The following RUNDC3B variants were observed in gnomAD, a reference collection of about 807,000 sequenced individuals.
RUNDC3B encodes the protein RUN domain containing 3B, also known as RUN domain-containing protein 3B.
Under a neutral mutation model 58.4 loss-of-function variants are expected in RUNDC3B, and 33 were observed. The observed-to-expected ratio is 0.56, with a 90% confidence interval of 0.43 to 0.75. The LOEUF (loss-of-function observed/expected upper bound fraction) is 0.75. Ranked by LOEUF, RUNDC3B falls within the 30% of genes least tolerant of loss-of-function variation. The probability of loss-of-function intolerance (pLI) is 0.00; values close to 1 mark genes in which losing one functional copy is unlikely to be tolerated. For synonymous variants in RUNDC3B, 193 were observed against 195.2 expected (o/e 0.99, Z 0.10); for missense variants, 501 against 535.7 (o/e 0.94, Z 0.64).
chr7:87,807,940 A>T (rs17149924), intron 9 of RUNDC3B, among the ~76,000 whole-genome samples: 7,368 of 152,202 alleles, frequency 0.048, 264 homozygotes, highest in East Asian at 0.092. Flanking sequence ...ACCGTAGAAG[A>T]TATAATCACT....
At chr7:87,752,842 AT>A (rs1394832592) in intron 6 of RUNDC3B, among the ~76,000 whole-genome samples, 3 of 151,822 alleles carry the variant, frequency 2.0e-5, no homozygotes, top group South Asian at 2.1e-4. Flanking sequence ...GGATTCATTA[AT>A]TTTTTGAAGA....
intron 6 of RUNDC3B, among the ~76,000 whole-genome samples, chr7:87,744,962 G>A (rs1457066581): frequency 6.6e-6 from 1 of 152,080 alleles, no homozygotes; most frequent in African/African-American, 2.4e-5. Flanking sequence ...TGTCATAGAT[G>A]GCTTTTATTA....
At chr7:87,644,781 G>A (rs1186172688) in intron 1 of RUNDC3B, among the ~76,000 whole-genome samples, 2 of 151,082 alleles carry the variant, frequency 1.3e-5, no homozygotes, top group Admixed American at 6.6e-5. Flanking sequence ...ATATATTAAT[G>A]CAGAACATTA....
At chr7:87,674,635 G>T (rs747350499) in intron 2 of RUNDC3B, among the ~76,000 whole-genome samples, 1 of 152,066 alleles carries the variant, frequency 6.6e-6, no homozygotes, top group African/African-American at 2.4e-5. Context: ...GGGTGGGCTA[G>T]CATGTATTGG....
At chr7:87,798,315 T>C (rs1835921515) in intron 8 of RUNDC3B, among the ~76,000 whole-genome samples, 1 of 152,226 alleles carries the variant, frequency 6.6e-6, no homozygotes, top group South Asian at 2.1e-4. Context: ...ATGATTAGGT[T>C]TTGAATTGTC....
intron 7 of RUNDC3B, among the ~76,000 whole-genome samples, chr7:87,776,643 T>G (rs1370668247): frequency 1.3e-5 from 2 of 152,086 alleles, no homozygotes; most frequent in Non-Finnish European, 2.9e-5. Context: ...CTTTAATTAC[T>G]AATGTTTATG....
intron 10 of RUNDC3B, among the ~76,000 whole-genome samples, chr7:87,823,137 T>A (rs911896422): frequency 1.3e-5 from 2 of 152,142 alleles, no homozygotes; most frequent in Non-Finnish European, 2.9e-5. Flanking sequence ...TTTGTTTAAC[T>A]AAAGGTAAAG....
intron 4 of RUNDC3B, among the ~76,000 whole-genome samples, chr7:87,719,213 T>G (rs1457347498): frequency 6.6e-6 from 1 of 151,762 alleles, no homozygotes; most frequent in Non-Finnish European, 1.5e-5. Context: ...TGAAAAAAAT[T>G]TAAAAGGCCT....
intron 6 of RUNDC3B, among the ~76,000 whole-genome samples, chr7:87,756,205 ACTT>A (rs1489192640): frequency 6.6e-6 from 1 of 151,878 alleles, no homozygotes; most frequent in East Asian, 1.9e-4. Flanking sequence ...ATATCCTTTT[ACTT>A]CTTTCTTGGT....
At chr7:87,638,848 A>G (rs1255435626) in intron 1 of RUNDC3B, among the ~76,000 whole-genome samples, 2 of 152,012 alleles carry the variant, frequency 1.3e-5, no homozygotes, top group Non-Finnish European at 2.9e-5. Flanking sequence ...TCGACTCCTC[A>G]GTTTATTTAG....
rs755363799 is a variant in RUNDC3B, at chr7:87,628,895, G to C, written c.72G>C (p.Leu24=). Residue 24 remains leucine, a synonymous_variant, in exon 1 of 11, where the codon CTG becomes CTC. Coordinates refer to ENST00000394654, the MANE Select transcript of RUNDC3B (RefSeq NM_001134405.2). ...GGGGGGGKKS[L]SARNAAVERR... is the part of the protein sequence containing the mutation. ...GCGGCGGAGGCGGCAAGAAAAGCCT[G>C]AGCGCCCGCAATGCTGCGGTGGAGA... The C allele has an allele frequency of 6.9e-6, 9 of 1,304,124 alleles. No homozygotes were observed. In the South Asian group the frequency reaches 2.4e-4, roughly 34 times the overall value. The allele number at this position is 1,304,124 out of a possible 1,614,324, so 80.8% of individuals were successfully genotyped here. A position where few individuals can be genotyped will look rare whatever the true frequency, so the allele number is the denominator to read the frequency against.
chr7:87,662,867 T>C (rs928833986), intron 2 of RUNDC3B, among the ~76,000 whole-genome samples: 1 of 152,086 alleles, frequency 6.6e-6, no homozygotes, highest in Non-Finnish European at 1.5e-5. Flanking sequence ...AACAATAGTC[T>C]TCCAATTCAC....
intron 9 of RUNDC3B, among the ~76,000 whole-genome samples, chr7:87,811,676 A>G (rs1584262735): frequency 6.6e-6 from 1 of 152,144 alleles, no homozygotes; most frequent in East Asian, 1.9e-4. Context: ...CTTTCACTTC[A>G]TATGTATTCA....
chr7:87,796,490 G>A (rs1835827302), intron 8 of RUNDC3B, among the ~76,000 whole-genome samples: 1 of 152,090 alleles, frequency 6.6e-6, no homozygotes, highest in African/African-American at 2.4e-5. Context: ...AAGGATAAAA[G>A]TTTAAGGGGA....
intron 8 of RUNDC3B, among the ~76,000 whole-genome samples, chr7:87,782,759 G>A (rs766539670): frequency 2.0e-5 from 3 of 152,118 alleles, no homozygotes; most frequent in African/African-American, 7.2e-5. Flanking sequence ...TGGTGCCAAT[G>A]TGATTGTGTG....
At chr7:87,755,919 G>A (rs1012649013) in intron 6 of RUNDC3B, among the ~76,000 whole-genome samples, 2 of 152,136 alleles carry the variant, frequency 1.3e-5, no homozygotes, top group Non-Finnish European at 2.9e-5. Flanking sequence ...TAGGAAGATA[G>A]GGTATGGAGA....
In RUNDC3B at chr7:87,823,827, T is replaced by C. The variant is rs200292805; in HGVS notation, c.1226-6058T>C. 5.3e-3 allele frequency among the ~76,000 whole-genome samples: 797 copies of C among 149,588 alleles called. 37 individuals are homozygous for C. The East Asian group carries it at 0.12, about 23-fold the overall frequency. On this transcript the variant is annotated intron_variant, in intron 10 of 10. Transcript: ENST00000394654. The stretch of plus-strand genomic sequence containing the variant: ...ACACACACACACACACACACACATA[T>C]ATATATACACACTCACCTACATACA...
At chr7:87,664,208 C>A (rs1825002426) in intron 2 of RUNDC3B, among the ~76,000 whole-genome samples, 1 of 152,044 alleles carries the variant, frequency 6.6e-6, no homozygotes, top group South Asian at 2.1e-4. Context: ...CTTCTGTAGT[C>A]CAAGCTACCC....
At chr7:87,775,519 A>G (rs1241478583) in intron 7 of RUNDC3B, among the ~76,000 whole-genome samples, 2 of 152,212 alleles carry the variant, frequency 1.3e-5, no homozygotes. Context: ...TAAATTTAGT[A>G]TAGCCTAGGC....
Sources: allele counts gnomAD v4.1 joint callset (sites outside exome capture counted in the v4.1 genomes callset), GRCh38; gene constraint gnomAD v4.1.1; transcripts MANE v1.5; gene names NCBI Gene and HGNC (gene_info 2026-07-23, HGNC 2026-07-21).